Variants in TDRD3 observed in about 807,000 individuals in gnomAD.
TDRD3 encodes the protein tudor domain-containing protein 3.
TDRD3 carries 45 observed loss-of-function variants against 86.7 expected under a neutral mutation model. The ratio of observed to expected loss-of-function variants is 0.52; its 90% CI spans 0.41 to 0.67. The LOEUF (loss-of-function observed/expected upper bound fraction) is 0.67. TDRD3 is among the 30% of genes least tolerant of loss of function. The pLI is 0.00. For missense variants in TDRD3, 814 were observed against 889.0 expected (o/e 0.92, Z 1.07); for synonymous variants, 298 against 301.7 (o/e 0.99, Z 0.13).
At chr13:60,540,525 A>T (rs139103194) in intron 12 of TDRD3, among the ~76,000 whole-genome samples, 1 of 152,218 alleles carries the variant, frequency 6.6e-6, no homozygotes, top group Non-Finnish European at 1.5e-5. Flanking sequence ...ATATGCATAA[A>T]TGTTACCTTA....
At chr13:60,434,378 G>A (rs1411827163) in intron 1 of TDRD3, among the ~76,000 whole-genome samples, 4 of 151,358 alleles carry the variant, frequency 2.6e-5, no homozygotes, top group African/African-American at 4.9e-5. Context: ...TGAGCCATGA[G>A]AATTGCTTGA....
chr13:60,466,825 CT>C (rs1284622609), intron 4 of TDRD3, among the ~76,000 whole-genome samples: 2 of 151,602 alleles, frequency 1.3e-5, no homozygotes, highest in African/African-American at 4.8e-5. Context: ...TGTTCCTGGT[CT>C]TCTCACTTCC....
At chr13:60,533,119 G>A (rs1957621932) in intron 11 of TDRD3, among the ~76,000 whole-genome samples, 2 of 152,066 alleles carry the variant, frequency 1.3e-5, no homozygotes, top group South Asian at 4.1e-4. Flanking sequence ...GAGATAGGAA[G>A]GTATAACAAG....
At chr13:60,412,847 T>C (rs1178796749) in intron 1 of TDRD3, among the ~76,000 whole-genome samples, 1 of 152,152 alleles carries the variant, frequency 6.6e-6, no homozygotes, top group East Asian at 1.9e-4. Flanking sequence ...CTTATCATTA[T>C]TCTTAAACAT....
At chr13:60,527,750 C>T (rs755370785) in intron 10 of TDRD3, among the ~76,000 whole-genome samples, 12 of 152,076 alleles carry the variant, frequency 7.9e-5, no homozygotes, top group Non-Finnish European at 1.8e-4. Flanking sequence ...TTCTGTATTT[C>T]CAAGTAGTAC....
At chr13:60,415,006 A>T (rs1430558562) in intron 1 of TDRD3, among the ~76,000 whole-genome samples, 1 of 152,058 alleles carries the variant, frequency 6.6e-6, no homozygotes, top group African/African-American at 2.4e-5. Context: ...AAAATATAGG[A>T]GGAGTTTGTT....
chr13:60,491,744 G>A (rs1247904957), intron 7 of TDRD3, among the ~76,000 whole-genome samples: 3 of 151,714 alleles, frequency 2.0e-5, no homozygotes, highest in African/African-American at 4.8e-5. Context: ...TACCAACAGT[G>A]TGTGGGTTGA....
At chr13:60,509,585 TATC>T in intron 8 of TDRD3, 175 bp from the exon 9 acceptor site, 2 of 735,648 alleles carry the variant, frequency 2.7e-6, no homozygotes, top group Admixed American at 2.4e-5. Flanking sequence ...CAACCCCACA[TATC>T]ATACAGATTC....
intron 12 of TDRD3, among the ~76,000 whole-genome samples, chr13:60,541,716 CTTTTTTTTTTTT>C (rs71199007): frequency 2.0e-3 from 81 of 41,030 alleles, no homozygotes; most frequent in East Asian, 3.7e-3. Flanking sequence ...TCAGCATAGT[CTTTTTTTTTTTT>C]TTTTTTTTTT....
At chr13:60,411,503 A>G (rs997221267) in intron 1 of TDRD3, among the ~76,000 whole-genome samples, 2 of 152,198 alleles carry the variant, frequency 1.3e-5, no homozygotes, top group Non-Finnish European at 2.9e-5. Flanking sequence ...GGCCTGAGCT[A>G]CATTTTTCCA....
chr13:60,545,911 T>C (rs2096178863), intron 12 of TDRD3, among the ~76,000 whole-genome samples: 1 of 152,208 alleles, frequency 6.6e-6, no homozygotes. Context: ...TCTCTTTATC[T>C]AAGCTCCTCC....
intron 10 of TDRD3, among the ~76,000 whole-genome samples, chr13:60,517,213 A>G (rs775129487): frequency 9.9e-5 from 15 of 151,068 alleles, no homozygotes; most frequent in Non-Finnish European, 2.2e-4. Context: ...GTTTCAGGTC[A>G]CTTTGGATAG....
At chr13:60,552,458 G>A (rs113511810) in intron 12 of TDRD3, among the ~76,000 whole-genome samples, 7,208 of 152,312 alleles carry the variant, frequency 0.047, 274 homozygotes, top group Middle Eastern at 0.085. Context: ...GCAGGGTGCA[G>A]CCCTTATGAC....
chr13:60,494,962 G>A (rs1021183465), intron 8 of TDRD3, among the ~76,000 whole-genome samples: 3 of 152,136 alleles, frequency 2.0e-5, no homozygotes, highest in African/African-American at 7.2e-5. Context: ...TGTGAAACAA[G>A]CATATGTATT....
At chr13:60,506,628 A>T (rs1052795015) in intron 8 of TDRD3, among the ~76,000 whole-genome samples, 9 of 152,106 alleles carry the variant, frequency 5.9e-5, no homozygotes, top group Admixed American at 3.3e-4. Flanking sequence ...GTTGTGGTGC[A>T]TGCCTATAAT....
intron 11 of TDRD3, among the ~76,000 whole-genome samples, chr13:60,533,231 T>C (rs554696905): frequency 5.3e-5 from 8 of 152,338 alleles, no homozygotes; most frequent in Non-Finnish European, 1.0e-4. Context: ...TTTGTAATAT[T>C]AAATATACTA....
chr13:60,402,232 A>G (rs1315814667), intron 1 of TDRD3, among the ~76,000 whole-genome samples: 1 of 152,174 alleles, frequency 6.6e-6, no homozygotes, highest in East Asian at 1.9e-4. Flanking sequence ...GTTTGGTTCT[A>G]GTTTTCTTAG....
At chr13:60,504,144 T>A (rs185765819) in intron 8 of TDRD3, among the ~76,000 whole-genome samples, 1 of 152,380 alleles carries the variant, frequency 6.6e-6, no homozygotes, top group Non-Finnish European at 1.5e-5. Context: ...TCTAGGTTTA[T>A]CTTATCAAAT....
intron 1 of TDRD3, among the ~76,000 whole-genome samples, chr13:60,415,397 T>G (rs114736778): frequency 1.6e-3 from 236 of 152,252 alleles, no homozygotes; most frequent in African/African-American, 5.3e-3. Flanking sequence ...TACATTACTA[T>G]TTCATCAGAA....
Sources: gnomAD v4.1 joint callset for allele counts (sites outside exome capture counted in the v4.1 genomes callset) on GRCh38, gnomAD v4.1.1 for gene constraint, MANE v1.5 for transcripts, NCBI Gene and HGNC (gene_info 2026-07-23, HGNC 2026-07-21) for gene names.